The following PTK2B variants were observed in gnomAD, a reference collection of about 807,000 sequenced individuals.
The protein encoded by PTK2B is protein tyrosine kinase 2 beta, also known as protein-tyrosine kinase 2-beta.
A neutral mutation model predicts 142.9 loss-of-function variants in PTK2B; 71 were observed. The observed-to-expected ratio is 0.50, with a 90% CI of 0.41 to 0.61. The LOEUF is 0.61. Ranked by LOEUF, PTK2B falls within the 20% of genes least tolerant of loss-of-function variation. The pLI is 0.00. For missense variants in PTK2B, 1,105 were observed against 1,320.4 expected (o/e 0.84, Z 2.53); for synonymous variants, 519 against 503.4 (o/e 1.03, Z -0.42).
chr8:27,360,940 G>A (rs1805664067), intron 1 of PTK2B, among the ~76,000 whole-genome samples: 3 of 152,126 alleles, frequency 2.0e-5, no homozygotes, highest in Admixed American at 2.0e-4. Context: ...CTGGGTCCCA[G>A]GAAAGAAAGA....
At chr8:27,435,918 A>G in intron 14 of PTK2B, 125 bp downstream of exon 14, 1 of 1,238,216 alleles carries the variant, frequency 8.1e-7, no homozygotes, top group Non-Finnish European at 1.2e-6. Context: ...CTAGACTTAG[A>G]CAGTGGCAAA....
rs1034001242 is a variant in PTK2B, at chr8:27,459,092, C to T, written c.*583C>T. 8.2e-6 allele frequency: 2 copies of T among 243,954 alleles called. No individual in the cohort carries two copies. Among genetic ancestry groups the T allele is most frequent in the Admixed American group, 4.9e-5 (1 of 20,510 alleles). 15.1% of individuals were successfully genotyped at this position (243,954 alleles called of 1,614,324 possible). On this transcript the variant is annotated 3_prime_UTR_variant, in exon 31 of 31. Transcript: ENST00000346049. ...GAGGACCTGGGGCACAGTCCAGGAACAAGCTAATTGGGAGTCCAGGCACAG... is the reference window on the plus strand; with the variant it reads ...GAGGACCTGGGGCACAGTCCAGGAATAAGCTAATTGGGAGTCCAGGCACAG...
intron 1 of PTK2B, among the ~76,000 whole-genome samples, chr8:27,331,611 C>T (rs538088495): frequency 3.3e-5 from 5 of 152,136 alleles, no homozygotes; most frequent in South Asian, 2.1e-4. Context: ...CTCAGCTTCC[C>T]GAGTAGCTGA....
chr8:27,318,325 G>C (rs771397421), intron 3 of PTK2B, among the ~76,000 whole-genome samples: 6 of 152,172 alleles, frequency 3.9e-5, no homozygotes, highest in African/African-American at 7.2e-5. Flanking sequence ...TATGGAATTC[G>C]ACACTGGCAA....
intron 1 of PTK2B, among the ~76,000 whole-genome samples, chr8:27,339,792 G>GA (rs1804286600): frequency 6.6e-6 from 1 of 152,208 alleles, no homozygotes; most frequent in African/African-American, 2.4e-5. Context: ...TTCCTTTACT[G>GA]ATGGTGGTTG....
At chr8:27,337,644 C>G (rs1207129931) in intron 1 of PTK2B, among the ~76,000 whole-genome samples, 1 of 152,230 alleles carries the variant, frequency 6.6e-6, no homozygotes, top group East Asian at 1.9e-4. Context: ...TTTCACTTAG[C>G]ACAATGTTTT....
chr8:27,401,847 TA>T (rs2131491834), intron 2 of PTK2B, among the ~76,000 whole-genome samples: 1 of 152,258 alleles, frequency 6.6e-6, no homozygotes, highest in African/African-American at 2.4e-5. Flanking sequence ...GAGATGACAG[TA>T]GCTTAAATTA....
intron 1 of PTK2B, among the ~76,000 whole-genome samples, chr8:27,383,139 G>A (rs1054314537): frequency 7.2e-5 from 11 of 152,090 alleles, no homozygotes; most frequent in African/African-American, 1.7e-4. Flanking sequence ...TTCGTAGAGC[G>A]CTTTAGGTAG....
chr8:27,348,610 A>C (rs952862335), intron 1 of PTK2B, among the ~76,000 whole-genome samples: 11 of 152,092 alleles, frequency 7.2e-5, no homozygotes, highest in Non-Finnish European at 1.5e-4. Flanking sequence ...CAGCTAGAGG[A>C]AGGTAATTGT....
rs1357159343 is a variant in PTK2B, at chr8:27,363,348, G to T, written c.-37-34200G>T. ...ACTAGTGAAAGGTCAGGAGGTGGAA[G>T]TGAGATGGGTTTTGTTCTGTGCATC... On this transcript the variant is annotated intron_variant, in intron 1 of 30. Coordinates refer to ENST00000346049, the MANE Select transcript of PTK2B (RefSeq NM_173176.3). The surrounding 1 kb of genome is among the most constrained non-coding windows in gnomAD (Gnocchi z 4.3). 6.6e-6 allele frequency among the ~76,000 whole-genome samples: 1 copy of T among 152,224 alleles called. No homozygotes were observed. Among genetic ancestry groups the T allele is most frequent in the East Asian group, 1.9e-4 (1 of 5,198 alleles).
At position 27,316,998 on chromosome 8, in the gene PTK2B, C is replaced by G. The variant is rs531229826; in HGVS notation, c.-414+3711C>G. ...GAAATCTGGAGGCAAAAGGCATCCA[C>G]TGTTGGTTATGTCAGTGACTTTAGA... On this transcript the variant is annotated intron_variant, in intron 3 of 35. Coordinates refer to the PTK2B transcript ENST00000397501. 9.2e-5 allele frequency among the ~76,000 whole-genome samples: 14 copies of G among 152,316 alleles called. No individual in the cohort carries two copies. The South Asian group carries it at 2.7e-3, about 29-fold the overall frequency.
At chr8:27,337,490 C>T (rs901184250) in intron 1 of PTK2B, among the ~76,000 whole-genome samples, 1 of 152,150 alleles carries the variant, frequency 6.6e-6, no homozygotes, top group South Asian at 2.1e-4. Flanking sequence ...AAAGAAACCC[C>T]CGTACCATAA....
intron 1 of PTK2B, among the ~76,000 whole-genome samples, chr8:27,386,499 A>T (rs979698713): frequency 6.6e-6 from 1 of 152,040 alleles, no homozygotes; most frequent in African/African-American, 2.4e-5. Context: ...GTGGTTCCTT[A>T]AAGTTGTTTT....
At chr8:27,319,113 G>A (rs1257156009) in intron 3 of PTK2B, among the ~76,000 whole-genome samples, 2 of 151,914 alleles carry the variant, frequency 1.3e-5, no homozygotes, top group Non-Finnish European at 2.9e-5. Context: ...TATCCTCTGT[G>A]GAAAGATCTT....
chr8:27,450,606 G>T, intron 24 of PTK2B, 143 bp from the exon 25 acceptor site: 1 of 1,049,698 alleles, frequency 9.5e-7, no homozygotes, highest in South Asian at 1.6e-5. Flanking sequence ...ATAGCTCTGG[G>T]TTTAAGAACA....
intron 4 of PTK2B, 30 bp from the exon 5 acceptor site, chr8:27,422,274 A>G (rs753287283): frequency 1.2e-6 from 2 of 1,604,572 alleles, no homozygotes; most frequent in East Asian, 2.2e-5. Context: ...TGAGGGTGCA[A>G]GCCTGATGCT....
At chr8:27,331,233 C>G (rs1216101078) in intron 1 of PTK2B, among the ~76,000 whole-genome samples, 1 of 152,100 alleles carries the variant, frequency 6.6e-6, no homozygotes, top group Admixed American at 6.5e-5. Flanking sequence ...CTTTTAATGC[C>G]CTTTCTTTCT....
At chr8:27,393,918 C>G (rs1051385359) in intron 1 of PTK2B, among the ~76,000 whole-genome samples, 1 of 152,054 alleles carries the variant, frequency 6.6e-6, no homozygotes, top group African/African-American at 2.4e-5. Flanking sequence ...CTGGGACCTG[C>G]TGTATGTGTG....
chr8:27,311,276 G>A (rs1802955181), upstream of PTK2B: 2 of 1,461,216 alleles, frequency 1.4e-6, no homozygotes, highest in Middle Eastern at 2.5e-4. Context: ...CTTTTGCTCC[G>A]GCCCCTCCCA....
Sources: allele counts gnomAD v4.1 joint callset (sites outside exome capture counted in the v4.1 genomes callset), GRCh38; gene constraint gnomAD v4.1.1; non-coding constraint Gnocchi (gnomAD v3.1); transcripts MANE v1.5; gene names NCBI Gene and HGNC (gene_info 2026-07-23, HGNC 2026-07-21).